The following ROBO2 variants were observed in gnomAD, a reference collection of about 807,000 sequenced individuals.
The protein encoded by ROBO2 is roundabout homolog 2.
ROBO2 carries 53 observed loss-of-function variants against 160.8 expected under a neutral mutation model. That is an observed-to-expected ratio of 0.33 (90% CI 0.26 to 0.41). The LOEUF is 0.41. Ranked by LOEUF, ROBO2 falls within the 10% of genes least tolerant of loss-of-function variation. The probability of loss-of-function intolerance (pLI) is 1.00; values close to 1 mark genes in which losing one functional copy is unlikely to be tolerated. For missense variants in ROBO2, 1,577 were observed against 1,722.4 expected (o/e 0.92, Z 1.49); for synonymous variants, 664 against 611.7 (o/e 1.09, Z -1.26).
intron 2 of ROBO2, among the ~76,000 whole-genome samples, chr3:76,660,169 A>T (rs1412603927): frequency 6.6e-6 from 1 of 152,158 alleles, no homozygotes. Flanking sequence ...TTAAAATTGG[A>T]TGTGCATTTT....
At chr3:76,823,473 A>G (rs1187038343) in intron 2 of ROBO2, among the ~76,000 whole-genome samples, 1 of 152,200 alleles carries the variant, frequency 6.6e-6, no homozygotes, top group Non-Finnish European at 1.5e-5. Flanking sequence ...ATGCATATCT[A>G]GGTGTTCAAG....
At chr3:77,519,700 C>T (rs562928032) in intron 5 of ROBO2, among the ~76,000 whole-genome samples, 5 of 151,444 alleles carry the variant, frequency 3.3e-5, no homozygotes, top group African/African-American at 1.2e-4. Flanking sequence ...TAGGTTGATT[C>T]CATGTCTTTG....
chr3:76,414,589 G>A (rs1320542323), intron 2 of ROBO2, among the ~76,000 whole-genome samples: 1 of 137,722 alleles, frequency 7.3e-6, no homozygotes, highest in African/African-American at 2.7e-5. Context: ...ACACAGGAAG[G>A]GGAATATCAC....
chr3:76,134,055 T>C (rs530702120), intron 2 of ROBO2, among the ~76,000 whole-genome samples: 1 of 152,296 alleles, frequency 6.6e-6, no homozygotes, highest in Admixed American at 6.5e-5. Flanking sequence ...GTACATAGTT[T>C]ATGGGATTTG....
chr3:76,211,863 T>G (rs942430728), intron 2 of ROBO2, among the ~76,000 whole-genome samples: 3 of 151,986 alleles, frequency 2.0e-5, no homozygotes, highest in African/African-American at 7.2e-5. Flanking sequence ...TAGTTGCAAA[T>G]TAGCTGGATT....
In ROBO2 at chr3:77,388,401, T is replaced by A. The variant is rs980920816; in HGVS notation, c.389-89013T>A. On this transcript the variant is annotated intron_variant, in intron 2 of 25. Transcript: ENST00000461745. Reference sequence around the variant, plus strand: ...TTGCATTCTAGCCTAGGCAACAGAGTGAAACCTTGTCTCTAAAAACAAACA... The same window carrying A: ...TTGCATTCTAGCCTAGGCAACAGAGAGAAACCTTGTCTCTAAAAACAAACA... 4.6e-5 allele frequency among the ~76,000 whole-genome samples: 7 copies of A among 152,116 alleles called. No homozygotes were observed. In the East Asian group the frequency reaches 1.4e-3, roughly 30 times the overall value.
At chr3:76,458,296 G>A (rs1286551917) in intron 2 of ROBO2, among the ~76,000 whole-genome samples, 1 of 152,000 alleles carries the variant, frequency 6.6e-6, no homozygotes, top group African/African-American at 2.4e-5. Context: ...CAAGTTCCAA[G>A]TCCCACAATC....
chr3:77,550,174 C>T (rs2092862783), intron 7 of ROBO2, among the ~76,000 whole-genome samples: 1 of 151,978 alleles, frequency 6.6e-6, no homozygotes, highest in African/African-American at 2.4e-5. Flanking sequence ...TAAGGTAACA[C>T]ACTTTTAGAA....
intron 2 of ROBO2, among the ~76,000 whole-genome samples, chr3:76,877,502 T>C (rs2148719536): frequency 6.6e-6 from 1 of 152,268 alleles, no homozygotes; most frequent in African/African-American, 2.4e-5. Context: ...ACAAACCCAG[T>C]AGTTGATACA....
At chr3:77,347,462 T>C (rs987763989) in intron 2 of ROBO2, among the ~76,000 whole-genome samples, 4 of 152,038 alleles carry the variant, frequency 2.6e-5, no homozygotes, top group African/African-American at 9.7e-5. Flanking sequence ...CATAGGACTA[T>C]AATGTTTATT....
At chr3:77,396,248 A>C (rs1455221137) in intron 2 of ROBO2, among the ~76,000 whole-genome samples, 2 of 152,092 alleles carry the variant, frequency 1.3e-5, no homozygotes, top group Admixed American at 6.6e-5. Context: ...ATTGAAACAA[A>C]GGATTTATAA....
At chr3:76,732,552 G>C (rs1368082842) in intron 2 of ROBO2, among the ~76,000 whole-genome samples, 1 of 152,072 alleles carries the variant, frequency 6.6e-6, no homozygotes, top group Non-Finnish European at 1.5e-5. Context: ...TCCTCCAGTT[G>C]ATTTTTAAAA....
intron 6 of ROBO2, among the ~76,000 whole-genome samples, chr3:77,541,261 A>T (rs563639898): frequency 6.6e-6 from 1 of 152,182 alleles, no homozygotes; most frequent in East Asian, 1.9e-4. Flanking sequence ...AACTCTGAAC[A>T]TGATGTGATT....
chr3:76,771,947 G>A (rs9825282), intron 2 of ROBO2, among the ~76,000 whole-genome samples: 3,049 of 150,982 alleles, frequency 0.02, 102 homozygotes, highest in African/African-American at 0.069. Flanking sequence ...TTTAAATTAC[G>A]GTATGGAAAT....
In ROBO2 at chr3:76,316,719, T is replaced by G. The variant is rs577266877; in HGVS notation, c.109+379117T>G. ...GGAACTGATAAATGTCTATGAAATCTTCACAATTTATGTTCAGAGACTGAA... is the reference window on the plus strand; with the variant it reads ...GGAACTGATAAATGTCTATGAAATCGTCACAATTTATGTTCAGAGACTGAA... On this transcript the variant is annotated intron_variant, in intron 2 of 26. Transcript: ENST00000487694. 5.4e-4 allele frequency among the ~76,000 whole-genome samples: 82 copies of G among 152,336 alleles called. 1 individual carries two copies. The highest frequency in any genetic ancestry group is 6.8e-3 in the Middle Eastern group (2 of 294).
chr3:77,497,309 G>T (rs78707803), intron 5 of ROBO2, among the ~76,000 whole-genome samples: 4,914 of 152,218 alleles, frequency 0.032, 261 homozygotes, highest in African/African-American at 0.11. Flanking sequence ...AGAATAAAGT[G>T]AGTAGGAGGA....
chr3:77,044,664 G>A (rs1017990174), intron 1 of ROBO2, among the ~76,000 whole-genome samples: 2 of 152,040 alleles, frequency 1.3e-5, no homozygotes, highest in Non-Finnish European at 2.9e-5. Context: ...GGAAAAATGT[G>A]AATAATATTT....
intron 2 of ROBO2, among the ~76,000 whole-genome samples, chr3:77,206,725 T>C (rs1443663264): frequency 6.6e-6 from 1 of 152,194 alleles, no homozygotes; most frequent in East Asian, 1.9e-4. Flanking sequence ...TTGCATGAAA[T>C]TAATTTAGTA....
intron 2 of ROBO2, among the ~76,000 whole-genome samples, chr3:77,282,566 T>C (rs2060310260): frequency 6.6e-6 from 1 of 152,034 alleles, no homozygotes; most frequent in African/African-American, 2.4e-5. Flanking sequence ...AAATTTTGTA[T>C]GAAAAGTTGA....
Sources: allele counts gnomAD v4.1 joint callset (sites outside exome capture counted in the v4.1 genomes callset), GRCh38; gene constraint gnomAD v4.1.1; transcripts MANE v1.5; gene names NCBI Gene and HGNC (gene_info 2026-07-23, HGNC 2026-07-21).